LRBA: variants seen among roughly 807,000 people sequenced by gnomAD.
LRBA encodes lipopolysaccharide-responsive and beige-like anchor protein.
LRBA carries 176 observed loss-of-function variants against 330.0 expected under a neutral mutation model. The observed-to-expected ratio is 0.53, with a 90% CI of 0.47 to 0.60. LRBA has a LOEUF of 0.60. Ranked by LOEUF, LRBA falls within the 20% of genes least tolerant of loss-of-function variation. The probability of loss-of-function intolerance (pLI) is 0.00; values close to 1 mark genes in which losing one functional copy is unlikely to be tolerated. For missense variants in LRBA, 3,259 were observed against 3,444.8 expected (o/e 0.95, Z 1.35); for synonymous variants, 1,230 against 1,193.0 (o/e 1.03, Z -0.64).
At chr4:150,487,884 G>A in intron 41 of LRBA, 50 bp from the exon 42 acceptor site, 3 of 967,230 alleles carry the variant, frequency 3.1e-6, no homozygotes, top group Non-Finnish European at 4.8e-6. Flanking sequence ...CTTCCTTTCT[G>A]GAAAACTGAC....
At chr4:150,360,699 A>G (rs1738565564) in intron 47 of LRBA, among the ~76,000 whole-genome samples, 1 of 152,252 alleles carries the variant, frequency 6.6e-6, no homozygotes, top group African/African-American at 2.4e-5. Context: ...GACTAAAATG[A>G]CCTTCAATGC....
chr4:150,946,916 GC>G (rs1736308492), intron 2 of LRBA, among the ~76,000 whole-genome samples: 1 of 141,472 alleles, frequency 7.1e-6, no homozygotes. Flanking sequence ...CTTAGAGGCA[GC>G]AAAAAAAAAA....
At chr4:150,566,511 G>C (rs1719439312) in intron 40 of LRBA, among the ~76,000 whole-genome samples, 1 of 151,972 alleles carries the variant, frequency 6.6e-6, no homozygotes, top group African/African-American at 2.4e-5. Flanking sequence ...ATAACAACTT[G>C]TTTTAGGACT....
At chr4:150,345,932 C>A (rs1736232446) in intron 48 of LRBA, among the ~76,000 whole-genome samples, 1 of 151,906 alleles carries the variant, frequency 6.6e-6, no homozygotes, top group South Asian at 2.1e-4. Flanking sequence ...CCCACAGCAC[C>A]CAATAGCTGG....
chr4:150,354,744 T>C (rs998314548), intron 47 of LRBA, among the ~76,000 whole-genome samples: 2 of 152,040 alleles, frequency 1.3e-5, no homozygotes, highest in African/African-American at 2.4e-5. Context: ...ATGAGATCTA[T>C]TAGGCAGAGT....
At chr4:150,491,215 CTTAAA>C (rs1329232210) in intron 40 of LRBA, among the ~76,000 whole-genome samples, 180 bp from the exon 41 acceptor site, 3 of 151,768 alleles carry the variant, frequency 2.0e-5, no homozygotes, top group African/African-American at 7.3e-5. Flanking sequence ...AGAAAAGAAG[CTTAAA>C]TTAAAAAGCA....
intron 49 of LRBA, among the ~76,000 whole-genome samples, chr4:150,323,015 G>GTACA (rs1732749193): frequency 7.0e-6 from 1 of 142,902 alleles, no homozygotes. Context: ...GTGTGTGTGT[G>GTACA]TGTGTGTGTG....
intron 34 of LRBA, among the ~76,000 whole-genome samples, chr4:150,776,257 T>G (rs942522473): frequency 9.2e-5 from 14 of 151,892 alleles, no homozygotes; most frequent in African/African-American, 3.1e-4. Context: ...GCAGAGATTG[T>G]AGGGAGCCAA....
At chr4:150,698,753 A>G (rs1206799813) in intron 36 of LRBA, among the ~76,000 whole-genome samples, 2 of 152,192 alleles carry the variant, frequency 1.3e-5, no homozygotes, top group East Asian at 1.9e-4. Context: ...TGTTATATGT[A>G]TGTATATACC....
intron 40 of LRBA, among the ~76,000 whole-genome samples, chr4:150,526,465 A>G (rs1347176417): frequency 6.6e-6 from 1 of 152,178 alleles, no homozygotes; most frequent in African/African-American, 2.4e-5. Context: ...AATGAGATAT[A>G]CAGAAAAATT....
At chr4:150,336,513 C>T (rs1734757724) in intron 48 of LRBA, among the ~76,000 whole-genome samples, 1 of 151,850 alleles carries the variant, frequency 6.6e-6, no homozygotes, top group South Asian at 2.1e-4. Context: ...AGAGAAAGAG[C>T]AGCTTGTTAA....
intron 8 of LRBA, among the ~76,000 whole-genome samples, chr4:150,915,030 T>C (rs1579189705): frequency 6.6e-6 from 1 of 152,102 alleles, no homozygotes; most frequent in East Asian, 1.9e-4. Flanking sequence ...CCCTGATCTC[T>C]TGAGGTTAGC....
At chr4:150,365,617 C>A (rs914991637) in intron 47 of LRBA, among the ~76,000 whole-genome samples, 5 of 151,838 alleles carry the variant, frequency 3.3e-5, no homozygotes, top group African/African-American at 1.2e-4. Flanking sequence ...CATGGAGAAA[C>A]CCCATCTCTA....
intron 40 of LRBA, among the ~76,000 whole-genome samples, chr4:150,526,185 A>C (rs986556543): frequency 3.9e-5 from 6 of 152,210 alleles, no homozygotes; most frequent in African/African-American, 1.4e-4. Context: ...TGTACAGAGA[A>C]AAAAGAAAGG....
intron 2 of LRBA, among the ~76,000 whole-genome samples, chr4:150,969,117 G>A (rs1280992845): frequency 1.3e-5 from 2 of 152,170 alleles, no homozygotes; most frequent in East Asian, 3.8e-4. Flanking sequence ...CATTTACAAT[G>A]CACCTGGTCA....
intron 37 of LRBA, among the ~76,000 whole-genome samples, chr4:150,641,694 C>G (rs1778694945): frequency 6.6e-6 from 1 of 151,970 alleles, no homozygotes; most frequent in Non-Finnish European, 1.5e-5. Context: ...ATATGTTCTT[C>G]TTTATATGCA....
chr4:150,358,498 A>C (rs1235742183), intron 47 of LRBA, among the ~76,000 whole-genome samples: 1 of 152,180 alleles, frequency 6.6e-6, no homozygotes, highest in Non-Finnish European at 1.5e-5. Context: ...ATAGACATTA[A>C]AATGTTTAAA....
intron 40 of LRBA, among the ~76,000 whole-genome samples, chr4:150,515,677 T>G (rs1255446334): frequency 6.6e-6 from 1 of 151,994 alleles, no homozygotes; most frequent in Non-Finnish European, 1.5e-5. Flanking sequence ...AAGATGAAAA[T>G]GCATTTGAAA....
chr4:150,354,644 T>C (rs747210774), intron 47 of LRBA, among the ~76,000 whole-genome samples: 1 of 152,144 alleles, frequency 6.6e-6, no homozygotes, highest in Non-Finnish European at 1.5e-5. Flanking sequence ...AAGACTATCA[T>C]ATGAAGCCTC....
Sources: allele counts gnomAD v4.1 joint callset (sites outside exome capture counted in the v4.1 genomes callset), GRCh38; gene constraint gnomAD v4.1.1; transcripts MANE v1.5; gene names NCBI Gene and HGNC (gene_info 2026-07-23, HGNC 2026-07-21).